The following FSTL5 variants were observed in gnomAD, a reference collection of about 807,000 sequenced individuals.
The protein encoded by FSTL5 is follistatin like 5.
Under a neutral mutation model 89.1 loss-of-function variants are expected in FSTL5, and 62 were observed. The ratio of observed to expected loss-of-function variants is 0.70; its 90% CI spans 0.57 to 0.86. FSTL5 has a LOEUF of 0.86. FSTL5 is among the 40% of genes least tolerant of loss of function. The pLI, the probability that FSTL5 is intolerant of heterozygous loss-of-function variation, is 0.00. For missense variants in FSTL5, 1,057 were observed against 1,001.6 expected (o/e 1.06, Z -0.75); for synonymous variants, 383 against 346.2 (o/e 1.11, Z -1.18).
chr4:161,415,703 G>C (rs1414734306), intron 15 of FSTL5, among the ~76,000 whole-genome samples: 1 of 149,292 alleles, frequency 6.7e-6, no homozygotes, highest in Admixed American at 6.7e-5. Flanking sequence ...GAGAGAGAGA[G>C]AGAACATATA....
chr4:162,137,864 AAAGT>A, intron 1 of FSTL5, among the ~76,000 whole-genome samples: 1 of 152,136 alleles, frequency 6.6e-6, no homozygotes, highest in South Asian at 2.1e-4. Context: ...ATTCATTAAC[AAAGT>A]AAGGTCAATT....
At chr4:162,155,306 G>A (rs1197874240) in intron 1 of FSTL5, among the ~76,000 whole-genome samples, 7 of 152,122 alleles carry the variant, frequency 4.6e-5, no homozygotes, top group African/African-American at 1.7e-4. Flanking sequence ...TTCTTCTGCC[G>A]ACCTTGAAGA....
chr4:161,740,028 T>C (rs1001902422), intron 6 of FSTL5, among the ~76,000 whole-genome samples: 1 of 151,726 alleles, frequency 6.6e-6, no homozygotes, highest in African/African-American at 2.4e-5. Context: ...ATTTATTTAT[T>C]TATTTATTGA....
chr4:161,966,167 G>A (rs1230109566), intron 3 of FSTL5, among the ~76,000 whole-genome samples: 2 of 151,992 alleles, frequency 1.3e-5, no homozygotes, highest in Non-Finnish European at 2.9e-5. Flanking sequence ...TTCATTGTTA[G>A]TTTCTTACTA....
In FSTL5 at chr4:161,779,799, A is replaced by ATGTATG. The variant is rs1553965262; in HGVS notation, c.410-3726_410-3725insCATACA. The stretch of plus-strand genomic sequence containing the variant: ...TGTATATATATATATATATATATAT[A>ATGTATG]TATATATATATGTATATATATATAT... On this transcript the variant is annotated intron_variant, in intron 4 of 15. Transcript: ENST00000306100. 2.0e-4 allele frequency among the ~76,000 whole-genome samples: 8 copies of ATGTATG among 40,038 alleles called. No homozygotes were observed. The East Asian group carries it at 3.9e-3, about 20-fold the overall frequency. The allele number at this position is 40,038 out of a possible 152,430, so 26.3% of individuals were successfully genotyped here. A position where few individuals can be genotyped will look rare whatever the true frequency, so the allele number is the denominator to read the frequency against.
chr4:162,000,988 T>C (rs1055057006), intron 3 of FSTL5, among the ~76,000 whole-genome samples: 22 of 152,190 alleles, frequency 1.4e-4, no homozygotes, highest in Admixed American at 1.3e-4. Flanking sequence ...TAATTATGTA[T>C]ATGAAATGGA....
intron 4 of FSTL5, among the ~76,000 whole-genome samples, chr4:161,885,303 C>CA (rs1361487028): frequency 3.9e-5 from 6 of 152,038 alleles, no homozygotes; most frequent in Non-Finnish European, 5.9e-5. Context: ...GATACTCAGA[C>CA]ATTGCTTTCC....
chr4:161,901,524 T>C (rs1733363988), intron 4 of FSTL5, among the ~76,000 whole-genome samples: 1 of 152,152 alleles, frequency 6.6e-6, no homozygotes, highest in East Asian at 1.9e-4. Flanking sequence ...TCGTTTTGGG[T>C]ATTAAAATTT....
At chr4:161,713,946 T>C (rs1235432215) in intron 6 of FSTL5, among the ~76,000 whole-genome samples, 1 of 152,172 alleles carries the variant, frequency 6.6e-6, no homozygotes, top group Non-Finnish European at 1.5e-5. Flanking sequence ...CCTTTACACT[T>C]TCAATTAGTA....
chr4:162,054,200 A>C (rs1261040587), intron 2 of FSTL5, among the ~76,000 whole-genome samples: 2 of 151,828 alleles, frequency 1.3e-5, no homozygotes, highest in Non-Finnish European at 2.9e-5. Flanking sequence ...GAAATTGATC[A>C]TATTAATATA....
intron 6 of FSTL5, among the ~76,000 whole-genome samples, chr4:161,673,237 A>C (rs1012537835): frequency 6.6e-6 from 1 of 152,028 alleles, no homozygotes; most frequent in Non-Finnish European, 1.5e-5. Flanking sequence ...TTTCTATGGG[A>C]CATTTGATTA....
chr4:161,629,210 A>G (rs1735415530), intron 7 of FSTL5, among the ~76,000 whole-genome samples: 1 of 152,180 alleles, frequency 6.6e-6, no homozygotes, highest in Admixed American at 6.6e-5. Context: ...CTGACCTACT[A>G]CCACATACTA....
chr4:162,060,152 C>T (rs907255803), intron 2 of FSTL5, among the ~76,000 whole-genome samples: 4 of 152,048 alleles, frequency 2.6e-5, no homozygotes, highest in African/African-American at 7.2e-5. Context: ...AATTAGTTCC[C>T]TATTTTCAGT....
Position 161,386,339 on chromosome 4 carries a change from G to T in FSTL5, c.1952C>A (p.Ser651Ter). 6.2e-7 allele frequency: 1 copy of T among 1,613,828 alleles called. No individual in the cohort carries two copies. Among genetic ancestry groups the T allele is most frequent in the Non-Finnish European group, 8.5e-7 (1 of 1,179,868 alleles). The change falls in exon 16 of 16, where the codon TCA (serine) becomes TAA (stop). Residue 651 changes from serine to a stop codon, truncating the protein, a stop_gained. Transcript: ENST00000306100. LOFTEE classifies it low-confidence loss of function (END_TRUNC). ...GCCTCCCAAGTGTGTATATGCCAAT[G>T]ACTGAGGAACGCACTTATAGTCCTT... is the stretch of plus-strand genomic sequence containing the variant. ...NLKDYKCVPQ[S>*]LAYTHLGGYY... is the part of the protein sequence containing the mutation.
At chr4:161,667,137 A>G (rs796325951) in intron 6 of FSTL5, among the ~76,000 whole-genome samples, 1 of 152,186 alleles carries the variant, frequency 6.6e-6, no homozygotes, top group East Asian at 1.9e-4. Context: ...TGACTTTGAC[A>G]TTCTTTTAGT....
intron 4 of FSTL5, among the ~76,000 whole-genome samples, chr4:161,903,279 T>C (rs568680747): frequency 6.6e-6 from 1 of 152,312 alleles, no homozygotes; most frequent in East Asian, 1.9e-4. Context: ...CTGAGTGTTC[T>C]ATTCAAATAT....
intron 6 of FSTL5, among the ~76,000 whole-genome samples, chr4:161,718,958 GGAA>G (rs1739099212): frequency 6.6e-6 from 1 of 152,102 alleles, no homozygotes; most frequent in South Asian, 2.1e-4. Context: ...GCTTTAAATG[GGAA>G]GAAGAAGCCA....
At chr4:161,518,636 C>T (rs995308083) in intron 10 of FSTL5, among the ~76,000 whole-genome samples, 1 of 152,142 alleles carries the variant, frequency 6.6e-6, no homozygotes, top group Non-Finnish European at 1.5e-5. Context: ...AAATTAGTCT[C>T]ATTGAATCCA....
At chr4:162,138,006 T>C (rs1732583424) in intron 1 of FSTL5, among the ~76,000 whole-genome samples, 1 of 151,912 alleles carries the variant, frequency 6.6e-6, no homozygotes, top group Non-Finnish European at 1.5e-5. Flanking sequence ...AGAGAGCTGG[T>C]GGGAAGGTGG....
Sources: gnomAD v4.1 joint callset for allele counts (sites outside exome capture counted in the v4.1 genomes callset) on GRCh38, gnomAD v4.1.1 for gene constraint, MANE v1.5 for transcripts, NCBI Gene and HGNC (gene_info 2026-07-23, HGNC 2026-07-21) for gene names.